The following KCNQ3 variants were observed in gnomAD, a reference collection of about 807,000 sequenced individuals.
The protein encoded by KCNQ3 is potassium voltage-gated channel subfamily KQT member 3.
Under a neutral mutation model 92.5 loss-of-function variants are expected in KCNQ3, and 30 were observed. That is an observed-to-expected ratio of 0.32 (90% CI 0.24 to 0.44). The LOEUF (loss-of-function observed/expected upper bound fraction) is 0.44. Among genes scored for constraint, KCNQ3 ranks in the 20% least tolerant of loss-of-function variants. The pLI, the probability that KCNQ3 is intolerant of heterozygous loss-of-function variation, is 1.00. For missense variants in KCNQ3, 913 were observed against 1,140.3 expected, an observed-to-expected ratio of 0.80 and a Z score of 2.87; for synonymous variants, 450 against 468.8, an observed-to-expected ratio of 0.96 and a Z score of 0.52.
intron 1 of KCNQ3, among the ~76,000 whole-genome samples, chr8:132,462,076 T>A (rs1156594053): frequency 6.6e-6 from 1 of 152,212 alleles, no homozygotes; most frequent in Non-Finnish European, 1.5e-5. Flanking sequence ...TATAGCACCA[T>A]TTTAGTCTTG....
chr8:132,272,167 G>C (rs72719168), intron 1 of KCNQ3, among the ~76,000 whole-genome samples: 5 of 152,328 alleles, frequency 3.3e-5, no homozygotes, highest in Non-Finnish European at 7.3e-5. Context: ...AAAATGGAGA[G>C]AATAACATGC....
rs376666726 is a variant in KCNQ3, at chr8:132,184,393, C to T, written c.478-26G>A. On this transcript the variant is annotated intron_variant, in intron 2 of 14. Transcript: ENST00000388996. ...CTGCATGGAAGAGCATATGGAGAGG[C>T]ACTGATTAACCGAGATCCACTTGTC... The T allele has an allele frequency of 2.2e-5, 36 of 1,612,674 alleles. No homozygotes were observed. In the African/African-American group the frequency reaches 4.7e-4, roughly 21 times the overall value.
chr8:132,469,721 G>A (rs1387011353), intron 1 of KCNQ3, among the ~76,000 whole-genome samples: 1 of 151,922 alleles, frequency 6.6e-6, no homozygotes. Flanking sequence ...TGATCGGTGG[G>A]AAAAACCATA....
intron 1 of KCNQ3, among the ~76,000 whole-genome samples, chr8:132,290,347 T>G (rs572442082): frequency 6.6e-6 from 1 of 152,308 alleles, no homozygotes; most frequent in African/African-American, 2.4e-5. Flanking sequence ...AGGTAGAAGC[T>G]GCTTATATGT....
intron 1 of KCNQ3, among the ~76,000 whole-genome samples, chr8:132,266,307 G>A (rs146742666): frequency 2.9e-4 from 44 of 152,312 alleles, no homozygotes; most frequent in African/African-American, 1.0e-3. Flanking sequence ...GGCCACCTCA[G>A]GGGATTGAGG....
chr8:132,296,316 G>T (rs1817019469), intron 1 of KCNQ3, among the ~76,000 whole-genome samples: 1 of 152,152 alleles, frequency 6.6e-6, no homozygotes, highest in African/African-American at 2.4e-5. Context: ...CATTTGCCCA[G>T]CATGACAAAA....
chr8:132,339,731 C>T (rs1372271607), intron 1 of KCNQ3, among the ~76,000 whole-genome samples: 2 of 152,076 alleles, frequency 1.3e-5, no homozygotes, highest in African/African-American at 4.8e-5. Context: ...GTTTATGCCT[C>T]CCAGTGCTTT....
chr8:132,264,156 C>G (rs951819373), intron 1 of KCNQ3, among the ~76,000 whole-genome samples: 3 of 152,188 alleles, frequency 2.0e-5, no homozygotes, highest in Non-Finnish European at 2.9e-5. Flanking sequence ...CCTCTAAAAC[C>G]TGTGCTTTTG....
rs1033208822 is a variant in KCNQ3, at chr8:132,265,065, A to C, written c.387-78884T>G. Among the ~76,000 whole-genome samples, 14 of 149,172 alleles carry C rather than the reference A, an allele frequency of 9.4e-5. No homozygotes were observed. In the Admixed American group the frequency reaches 9.6e-4, roughly 10 times the overall value. The stretch of plus-strand genomic sequence containing the variant: ...CCCACCTGTAAAATGGGAATAGCTA[A>C]CATGTAGGGCTGCTAAAAGGACTGC... On this transcript the variant is annotated intron_variant, in intron 1 of 14. Coordinates refer to ENST00000388996, the MANE Select transcript of KCNQ3 (RefSeq NM_004519.4).
intron 1 of KCNQ3, among the ~76,000 whole-genome samples, chr8:132,349,340 A>G (rs1370416007): frequency 6.6e-6 from 1 of 152,200 alleles, no homozygotes; most frequent in Non-Finnish European, 1.5e-5. Context: ...TCCAAATGGA[A>G]TGGAACAACC....
chr8:132,193,505 A>G lies in KCNQ3; in HGVS notation c.387-7324T>C, dbSNP rs1457127649. Among the ~76,000 whole-genome samples the G allele has an allele frequency of 2.0e-5, 3 of 152,174 alleles. No homozygotes were observed. The East Asian group carries it at 5.8e-4, about 29-fold the overall frequency. On this transcript the variant is annotated intron_variant, in intron 1 of 14. Coordinates refer to ENST00000388996, the MANE Select transcript of KCNQ3 (RefSeq NM_004519.4). The stretch of plus-strand genomic sequence containing the variant: ...TTTGCAGATGCAGATGTGAGGGATG[A>G]CCACAGTGGTACCAGGAAAACCCTG...
intron 1 of KCNQ3, among the ~76,000 whole-genome samples, chr8:132,275,820 G>A (rs866349639): frequency 9.2e-5 from 14 of 152,156 alleles, no homozygotes; most frequent in South Asian, 2.1e-4. Context: ...CTCGTGATCC[G>A]CCCACCTCGG....
intron 1 of KCNQ3, among the ~76,000 whole-genome samples, chr8:132,340,362 G>A (rs966664388): frequency 1.3e-5 from 2 of 152,072 alleles, no homozygotes; most frequent in Non-Finnish European, 2.9e-5. Flanking sequence ...GAACCAACCC[G>A]AATGCCTGTC....
At chr8:132,449,590 G>A (rs182350248) in intron 1 of KCNQ3, among the ~76,000 whole-genome samples, 1 of 152,246 alleles carries the variant, frequency 6.6e-6, no homozygotes, top group East Asian at 1.9e-4. Context: ...TCCCTCTGGA[G>A]CCCTCAGATT....
At chr8:132,267,336 C>T (rs898359939) in intron 1 of KCNQ3, among the ~76,000 whole-genome samples, 2 of 152,164 alleles carry the variant, frequency 1.3e-5, no homozygotes, top group Admixed American at 6.5e-5. Context: ...CTAGAGTAAA[C>T]ATTGTGACTG....
At chr8:132,327,212 T>G (rs1236531536) in intron 1 of KCNQ3, among the ~76,000 whole-genome samples, 1 of 152,220 alleles carries the variant, frequency 6.6e-6, no homozygotes, top group East Asian at 1.9e-4. Context: ...GGATCTCATG[T>G]GTGAGAAGAA....
intron 9 of KCNQ3, among the ~76,000 whole-genome samples, chr8:132,156,643 C>G (rs1355429308): frequency 6.6e-6 from 1 of 152,162 alleles, no homozygotes; most frequent in East Asian, 1.9e-4. Flanking sequence ...TATCCTGGAT[C>G]TGCTGAGACA....
chr8:132,228,934 A>C (rs1188119459), intron 1 of KCNQ3, among the ~76,000 whole-genome samples: 1 of 152,168 alleles, frequency 6.6e-6, no homozygotes, highest in African/African-American at 2.4e-5. Flanking sequence ...GAGAGGGAAC[A>C]ATCAGGATCA....
At chr8:132,276,898 G>A (rs1232002883) in intron 1 of KCNQ3, among the ~76,000 whole-genome samples, 1 of 152,128 alleles carries the variant, frequency 6.6e-6, no homozygotes, top group African/African-American at 2.4e-5. Context: ...ATGCTGTGAG[G>A]CCAAGATGTC....
Sources: gnomAD v4.1 joint callset for allele counts (sites outside exome capture counted in the v4.1 genomes callset) on GRCh38, gnomAD v4.1.1 for gene constraint, MANE v1.5 for transcripts, NCBI Gene and HGNC (gene_info 2026-07-23, HGNC 2026-07-21) for gene names.